LIMD1: variants seen among roughly 807,000 people sequenced by gnomAD.
The protein encoded by LIMD1 is LIM domain-containing protein 1.
In LIMD1, 23 loss-of-function variants were observed where a neutral mutation model predicts 58.4. The ratio of observed to expected loss-of-function variants is 0.39; its 90% CI spans 0.28 to 0.56. The LOEUF is 0.56. Among genes scored for constraint, LIMD1 ranks in the 20% least tolerant of loss-of-function variants. LIMD1 has a pLI of 0.57. For synonymous variants in LIMD1, 334 were observed against 345.5 expected, an observed-to-expected ratio of 0.97 and a Z score of 0.37; for missense variants, 838 against 855.5, an observed-to-expected ratio of 0.98 and a Z score of 0.25.
rs1190858179 is a variant in LIMD1, at chr3:45,594,835, A to G, written c.-45A>G. 1.2e-5 allele frequency: 13 copies of G among 1,078,154 alleles called. 1 individual carries two copies. Among genetic ancestry groups the G allele is most frequent in the Non-Finnish European group, 1.7e-5 (13 of 745,908 alleles). 66.8% of individuals were successfully genotyped at this position (1,078,154 alleles called of 1,614,324 possible). On this transcript the variant is annotated 5_prime_UTR_variant, in exon 1 of 8. Transcript: ENST00000273317. ...CACACACACACACACACACACACACACACACACACGGCACCTGGGCTAGGC... is the reference window on the plus strand; with the variant it reads ...CACACACACACACACACACACACACGCACACACACGGCACCTGGGCTAGGC...
At chr3:45,636,030 G>C in intron 1 of LIMD1, 120 bp from the exon 2 acceptor site, 1 of 1,553,652 alleles carries the variant, frequency 6.4e-7, no homozygotes, top group South Asian at 1.2e-5. Flanking sequence ...GTCATCCACT[G>C]GATTTGGTGG....
rs28706380 is a variant in LIMD1, at chr3:45,655,936, G to A, written c.1511-9714G>A. ...CCTGGAAGGACTGAACGTTTATACC[G>A]CCCCCTCACAAATCCTTATGTTGAA... On this transcript the variant is annotated intron_variant, in intron 2 of 7. Coordinates refer to ENST00000273317, the MANE Select transcript of LIMD1 (RefSeq NM_014240.3). 8.5e-3 allele frequency among the ~76,000 whole-genome samples: 1,291 copies of A among 152,260 alleles called. 21 individuals are homozygous for A. Among genetic ancestry groups the A allele is most frequent in the African/African-American group, 0.028 (1,160 of 41,548 alleles).
intron 1 of LIMD1, among the ~76,000 whole-genome samples, chr3:45,599,575 C>T (rs539757804): frequency 1.3e-5 from 2 of 152,356 alleles, no homozygotes; most frequent in South Asian, 4.1e-4. Flanking sequence ...TGCTGTTCCA[C>T]TGCACAGCGT....
At chr3:45,628,373 G>A (rs1312007219) in intron 1 of LIMD1, among the ~76,000 whole-genome samples, 1 of 152,194 alleles carries the variant, frequency 6.6e-6, no homozygotes, top group African/African-American at 2.4e-5. Context: ...AAGAAGAAAA[G>A]GATGACAAAT....
chr3:45,646,896 G>T (rs376740499), intron 2 of LIMD1, among the ~76,000 whole-genome samples: 1 of 152,100 alleles, frequency 6.6e-6, no homozygotes, highest in South Asian at 2.1e-4. Context: ...AAACTCCTGG[G>T]TTCAAGTGAT....
intron 1 of LIMD1, among the ~76,000 whole-genome samples, chr3:45,621,199 C>T (rs1176206548): frequency 6.6e-6 from 1 of 151,936 alleles, no homozygotes; most frequent in Admixed American, 6.6e-5. Flanking sequence ...GAATTCCTCC[C>T]TTCCCCTCCC....
chr3:45,608,211 A>G (rs1054157264), intron 1 of LIMD1, among the ~76,000 whole-genome samples: 2 of 152,092 alleles, frequency 1.3e-5, no homozygotes, highest in Non-Finnish European at 2.9e-5. Context: ...CAGTTTCTTC[A>G]TATTATGGAG....
chr3:45,595,821 A>G lies in LIMD1; in HGVS notation c.942A>G (p.Ser314=), dbSNP rs143087201. Residue 314 remains serine, a synonymous_variant, in exon 1 of 8, where the codon TCA becomes TCG. Transcript: ENST00000273317. ...SCPRQGGLPR[S]NSGLGGEVSG... ...CCAGGCAAGGAGGTCTTCCAAGATCAAACTCGGGGCTGGGGGGTGAGGTTT... is the reference window on the plus strand; with the variant it reads ...CCAGGCAAGGAGGTCTTCCAAGATCGAACTCGGGGCTGGGGGGTGAGGTTT... 2.3e-4 allele frequency: 373 copies of G among 1,614,066 alleles called. 1 individual carries two copies. Among genetic ancestry groups the G allele is most frequent in the Non-Finnish European group, 3.1e-4 (361 of 1,180,044 alleles).
At position 45,686,189 on chromosome 3, in the gene LIMD1, A is replaced by G. The variant is rs1355636066; in HGVS notation, c.*9130A>G. 6.6e-6 allele frequency: 1 copy of G among 151,776 alleles called. No homozygotes were observed. The highest frequency in any genetic ancestry group is 1.9e-4 in the East Asian group (1 of 5,178). The allele number at this position is 151,776 out of a possible 1,614,324, so 9.4% of individuals were successfully genotyped here. Reference sequence around the variant, plus strand: ...ATCCTTTTAACTTTTTGCCTACTTTATTTCTGTAAAATTGTTTTAACTAGA... The same window carrying G: ...ATCCTTTTAACTTTTTGCCTACTTTGTTTCTGTAAAATTGTTTTAACTAGA... On this transcript the variant is annotated 3_prime_UTR_variant, in exon 8 of 8. Coordinates refer to ENST00000273317, the MANE Select transcript of LIMD1 (RefSeq NM_014240.3).
chr3:45,631,403 G>C (rs530859078), intron 1 of LIMD1, among the ~76,000 whole-genome samples: 1 of 151,992 alleles, frequency 6.6e-6, no homozygotes, highest in East Asian at 1.9e-4. Flanking sequence ...TACCTTTTCT[G>C]TGTAGGAAGT....
At chr3:45,649,320 G>A (rs1701938243) in intron 2 of LIMD1, among the ~76,000 whole-genome samples, 1 of 151,794 alleles carries the variant, frequency 6.6e-6, no homozygotes, top group African/African-American at 2.4e-5. Context: ...TTCGTATGCT[G>A]ATTTGGTGAT....
intron 1 of LIMD1, among the ~76,000 whole-genome samples, chr3:45,623,623 C>T (rs1701645637): frequency 1.3e-5 from 2 of 152,184 alleles, no homozygotes; most frequent in East Asian, 3.8e-4. Flanking sequence ...TAGGCTGGCA[C>T]AATGACCCTA....
chr3:45,601,471 CT>C (rs1037845359), intron 1 of LIMD1, among the ~76,000 whole-genome samples: 1 of 152,238 alleles, frequency 6.6e-6, no homozygotes, highest in Non-Finnish European at 1.5e-5. Context: ...GTGCCCTCCC[CT>C]GTCCTCGCCT....
rs544400208 is a variant in LIMD1, at chr3:45,659,489, G to A, written c.1511-6161G>A. Among the ~76,000 whole-genome samples the A allele has an allele frequency of 3.9e-3, 588 of 152,234 alleles. 1 individual carries two copies. Among genetic ancestry groups the A allele is most frequent in the Non-Finnish European group, 5.9e-3 (399 of 68,006 alleles). ...TGTAGCCCTATCTACTCAGGAGGCC[G>A]AGGTGGGAGGATTCCTTGAGCCTGG... On this transcript the variant is annotated intron_variant, in intron 2 of 7. Coordinates refer to ENST00000273317, the MANE Select transcript of LIMD1 (RefSeq NM_014240.3).
chr3:45,682,366 T>C lies in LIMD1; in HGVS notation c.*5307T>C, dbSNP rs900883691. 6.6e-6 allele frequency: 1 copy of C among 152,232 alleles called. No homozygotes were observed. Among genetic ancestry groups the C allele is most frequent in the Admixed American group, 6.5e-5 (1 of 15,280 alleles). The allele number at this position is 152,232 out of a possible 1,614,324, so 9.4% of individuals were successfully genotyped here. A position where few individuals can be genotyped will look rare whatever the true frequency, so the allele number is the denominator to read the frequency against. On this transcript the variant is annotated 3_prime_UTR_variant, in exon 8 of 8. Transcript: ENST00000273317. ...TTGATATGGAGTGTTTGCTGATACCTATGATGTAAATATTCCCGCCATGGC... is the reference window on the plus strand; with the variant it reads ...TTGATATGGAGTGTTTGCTGATACCCATGATGTAAATATTCCCGCCATGGC...
chr3:45,648,166 G>A (rs1406130225), intron 2 of LIMD1, among the ~76,000 whole-genome samples: 2 of 152,136 alleles, frequency 1.3e-5, no homozygotes, highest in African/African-American at 2.4e-5. Context: ...AGCACCTTTA[G>A]TATAATTCTG....
chr3:45,617,266 CA>C (rs1322013609), intron 1 of LIMD1, among the ~76,000 whole-genome samples: 1 of 151,800 alleles, frequency 6.6e-6, no homozygotes, highest in Non-Finnish European at 1.5e-5. Flanking sequence ...AGGCTGGTCT[CA>C]AACTCCTGAC....
At chr3:45,653,907 C>CAAAAAAAAAAAAAAAA (rs35185922) in intron 2 of LIMD1, among the ~76,000 whole-genome samples, 1 of 74,882 alleles carries the variant, frequency 1.3e-5, no homozygotes, top group African/African-American at 4.9e-5. Flanking sequence ...AAGACTGTCT[C>CAAAAAAAAAAAAAAAA]AAAAAAAAAA....
At chr3:45,676,308 A>AT (rs113607482) in intron 7 of LIMD1, among the ~76,000 whole-genome samples, 3 of 151,574 alleles carry the variant, frequency 2.0e-5, no homozygotes, top group Non-Finnish European at 2.9e-5. Flanking sequence ...TACCCATGAG[A>AT]TTTTTTTTGT....
Sources: gnomAD v4.1 joint callset for allele counts (sites outside exome capture counted in the v4.1 genomes callset) on GRCh38, gnomAD v4.1.1 for gene constraint, MANE v1.5 for transcripts, NCBI Gene and HGNC (gene_info 2026-07-23, HGNC 2026-07-21) for gene names.